The following CREBZF variants were observed in gnomAD, a reference collection of about 807,000 sequenced individuals.
CREBZF encodes CREB/ATF bZIP transcription factor.
A neutral mutation model predicts 21.1 loss-of-function variants in CREBZF; 8 were observed. The observed-to-expected ratio is 0.38, with a 90% confidence interval of 0.22 to 0.68. The LOEUF is 0.68. CREBZF is among the 30% of genes least tolerant of loss of function. CREBZF has a pLI of 0.51. For synonymous variants in CREBZF, 270 were observed against 223.3 expected, an observed-to-expected ratio of 1.21 and a Z score of -1.86; for missense variants, 518 against 484.3, an observed-to-expected ratio of 1.07 and a Z score of -0.65.
At chr11:85,673,221 T>C (rs1247667077) in intron 1 of CREBZF, among the ~76,000 whole-genome samples, 1 of 152,208 alleles carries the variant, frequency 6.6e-6, no homozygotes, top group African/African-American at 2.4e-5. Context: ...ATACATTTAC[T>C]GGATTTTCTA....
In CREBZF at chr11:85,661,786, A is replaced by G. The variant is rs555163100; in HGVS notation, c.*2025T>C. The G allele has an allele frequency of 4.6e-5, 7 of 152,634 alleles. No individual in the cohort carries two copies. The South Asian group carries it at 1.0e-3, about 23-fold the overall frequency. 9.5% of individuals were successfully genotyped at this position (152,634 alleles called of 1,614,324 possible). A position where few individuals can be genotyped will look rare whatever the true frequency, so the allele number is the denominator to read the frequency against. ...ACAAACCTGGTTTTATTATGACACCATATTTTTGTCATTGGTACTGCACAA... is the reference window on the plus strand; with the variant it reads ...ACAAACCTGGTTTTATTATGACACCGTATTTTTGTCATTGGTACTGCACAA... On this transcript the variant is annotated 3_prime_UTR_variant, in exon 1 of 1. Transcript: ENST00000527447.
In CREBZF at chr11:85,664,647, C is replaced by T. The variant is rs376377051; in HGVS notation, c.229G>A (p.Ala77Thr). 8.1e-6 allele frequency: 13 copies of T among 1,606,334 alleles called. No homozygotes were observed. Among genetic ancestry groups the T allele is most frequent in the Non-Finnish European group, 1.0e-5 (12 of 1,176,192 alleles). The change falls in exon 1 of 1, where the codon GCG becomes ACG. Residue 77 changes from alanine (A) to threonine (T), a missense_variant. Transcript: ENST00000527447. This position sits in a 1 kb window ranked among gnomAD's most constrained non-coding sequence, Gnocchi z 5.5. ...RGSRGGVAVR[A>T]PSPEEMEEEA... ...TCCTCCATCTCCTCGGGGGAGGGCGCGCGCACGGCCACGCCGCCGCGGCTC... is the reference window on the plus strand; with the variant it reads ...TCCTCCATCTCCTCGGGGGAGGGCGTGCGCACGGCCACGCCGCCGCGGCTC...
chr11:85,664,112 T>C lies in CREBZF; in HGVS notation c.764A>G (p.Lys255Arg). 4 of 1,613,634 alleles carry C rather than the reference T, an allele frequency of 2.5e-6. No homozygotes were observed. The highest frequency in any genetic ancestry group is 3.4e-6 in the Non-Finnish European group (4 of 1,180,034). Residue 255 changes from lysine to arginine, a missense_variant, in exon 1 of 1, where the codon AAA becomes AGA. Transcript: ENST00000527447. This position sits in a 1 kb window ranked among gnomAD's most constrained non-coding sequence, Gnocchi z 5.5. ...ELRAENRELG[K>R]RVQALQEESR... is the part of the protein sequence containing the mutation. ...CTCCTCCTGCAGTGCCTGTACGCGT[T>C]TGCCCAGCTCCCGATTCTCGGCCCG...
In CREBZF at chr11:85,659,088, A is replaced by G. The variant is rs2082599937; in HGVS notation, c.*4723T>C. ...GAATTCCCTTTTTGATCCGCAGCTTAGGTGGTAAGTAAATAAAAAAACAGC... is the reference window on the plus strand; with the variant it reads ...GAATTCCCTTTTTGATCCGCAGCTTGGGTGGTAAGTAAATAAAAAAACAGC... On this transcript the variant is annotated 3_prime_UTR_variant, in exon 1 of 1. Transcript: ENST00000527447. Among the ~76,000 whole-genome samples, 1 of 152,030 alleles carries G rather than the reference A, an allele frequency of 6.6e-6. No individual in the cohort carries two copies. The highest frequency in any genetic ancestry group is 2.1e-4 in the South Asian group (1 of 4,836).
Position 85,662,646 on chromosome 11 carries a change from C to A in CREBZF, c.*1165G>T, listed in dbSNP as rs1002286351. 2.8e-5 allele frequency: 12 copies of A among 435,382 alleles called. No individual in the cohort carries two copies. Among genetic ancestry groups the A allele is most frequent in the African/African-American group, 2.0e-4 (10 of 50,718 alleles). The allele number at this position is 435,382 out of a possible 1,614,324, so 27.0% of individuals were successfully genotyped here. On this transcript the variant is annotated 3_prime_UTR_variant, in exon 1 of 1. Coordinates refer to ENST00000527447, the MANE Select transcript of CREBZF (RefSeq NM_001039618.4). ...AGTACCAATCGTGTCATTTAAGTGGCCAGAACCACTCAATTTAAAAAATTA... is the reference window on the plus strand; with the variant it reads ...AGTACCAATCGTGTCATTTAAGTGGACAGAACCACTCAATTTAAAAAATTA...
chr11:85,682,611 CCA>C, intron 1 of CREBZF: 4 of 344,704 alleles, frequency 1.2e-5, no homozygotes, highest in South Asian at 5.4e-5. Context: ...CCTACTCCCC[CCA>C]ACGCGATCTT....
Position 85,661,650 on chromosome 11 carries a change from C to T in CREBZF, c.*2161G>A, listed in dbSNP as rs768030002. On this transcript the variant is annotated 3_prime_UTR_variant, in exon 1 of 1. Coordinates refer to ENST00000527447, the MANE Select transcript of CREBZF (RefSeq NM_001039618.4). ...AAATGAACTTACTGCTTTCCAGAAC[C>T]TTTTAAGACCCACAGTCAGCATTAA... is the stretch of plus-strand genomic sequence containing the variant. The T allele has an allele frequency of 5.2e-5, 8 of 152,474 alleles. No individual in the cohort carries two copies. Among genetic ancestry groups the T allele is most frequent in the Non-Finnish European group, 1.2e-4 (8 of 67,986 alleles). The allele number at this position is 152,474 out of a possible 1,614,324, so 9.4% of individuals were successfully genotyped here. A position where few individuals can be genotyped will look rare whatever the true frequency, so the allele number is the denominator to read the frequency against.
At chr11:85,670,826 C>T (rs1446296439) in intron 1 of CREBZF, among the ~76,000 whole-genome samples, 1 of 152,104 alleles carries the variant, frequency 6.6e-6, no homozygotes, top group African/African-American at 2.4e-5. Flanking sequence ...AATCCTAATC[C>T]CTAGTACCTT....
At chr11:85,674,201 T>C (rs1258670228) in intron 1 of CREBZF, among the ~76,000 whole-genome samples, 5 of 152,240 alleles carry the variant, frequency 3.3e-5, no homozygotes, top group African/African-American at 9.6e-5. Context: ...TTTGCCTTAA[T>C]GTATTTCTGA....
At chr11:85,669,339 A>G (rs999884227), upstream of CREBZF, among the ~76,000 whole-genome samples, 7 of 152,106 alleles carry the variant, frequency 4.6e-5, no homozygotes, top group Non-Finnish European at 5.9e-5. Flanking sequence ...ACGTATCTAC[A>G]TTATTCTGCA....
At chr11:85,681,181 A>G (rs909111331) in intron 1 of CREBZF, among the ~76,000 whole-genome samples, 1 of 152,140 alleles carries the variant, frequency 6.6e-6, no homozygotes, top group African/African-American at 2.4e-5. Context: ...CCAAGAGGTG[A>G]TATCTCAAGT....
Position 85,664,549 on chromosome 11 carries a change from A to G in CREBZF, c.327T>C (p.Asp109=). Residue 109 remains aspartate (D), a synonymous_variant, in exon 1 of 1, where the codon GAT becomes GAC. Transcript: ENST00000527447. The surrounding 1 kb of genome is among the most constrained non-coding windows in gnomAD (Gnocchi z 5.5). ...AGTCCGGTTGCCTGGGGTCCAGGAGATCCGCCAGTTCCAGCCCAGACAGAA... is the reference window on the plus strand; with the variant it reads ...AGTCCGGTTGCCTGGGGTCCAGGAGGTCCGCCAGTTCCAGCCCAGACAGAA... ...MDFLSGLELA[D]LLDPRQPDWH... 6.2e-7 allele frequency: 1 copy of G among 1,613,702 alleles called. No homozygotes were observed. Among genetic ancestry groups the G allele is most frequent in the Non-Finnish European group, 8.5e-7 (1 of 1,179,932 alleles).
chr11:85,661,214 A>G lies in CREBZF; in HGVS notation c.*2597T>C, dbSNP rs866937344. The G allele has an allele frequency of 2.6e-5, 4 of 152,518 alleles. No homozygotes were observed. Among genetic ancestry groups the G allele is most frequent in the African/African-American group, 9.7e-5 (4 of 41,448 alleles). 9.4% of individuals were successfully genotyped at this position (152,518 alleles called of 1,614,324 possible). Reference sequence around the variant, plus strand: ...ATGTGCTTACACATAAATATGACCAAATTTATTTAAAGCCCCTATTAGATA... The same window carrying G: ...ATGTGCTTACACATAAATATGACCAGATTTATTTAAAGCCCCTATTAGATA... On this transcript the variant is annotated 3_prime_UTR_variant, in exon 1 of 1. Coordinates refer to ENST00000527447, the MANE Select transcript of CREBZF (RefSeq NM_001039618.4).
At chr11:85,676,131 C>T (rs981695197) in intron 1 of CREBZF, among the ~76,000 whole-genome samples, 4 of 152,176 alleles carry the variant, frequency 2.6e-5, no homozygotes, top group Non-Finnish European at 5.9e-5. Context: ...AGTGTATGTC[C>T]TAACTAATCA....
chr11:85,668,674 T>C (rs1347594600), upstream of CREBZF, among the ~76,000 whole-genome samples: 2 of 152,104 alleles, frequency 1.3e-5, no homozygotes, highest in African/African-American at 2.4e-5. Flanking sequence ...CTTAACTATC[T>C]AGCTATTGAT....
chr11:85,681,675 A>C (rs1369266106), intron 1 of CREBZF, among the ~76,000 whole-genome samples: 1 of 152,242 alleles, frequency 6.6e-6, no homozygotes, highest in Non-Finnish European at 1.5e-5. Context: ...TTGATGTTGC[A>C]GAAAAATTCA....
chr11:85,682,709 A>T, intron 1 of CREBZF: 2 of 671,976 alleles, frequency 3.0e-6, no homozygotes, highest in Non-Finnish European at 5.4e-6. Flanking sequence ...GAATTCCGGG[A>T]TTCATACCCA....
chr11:85,667,292 C>T (rs2082879136), upstream of CREBZF, among the ~76,000 whole-genome samples: 1 of 150,918 alleles, frequency 6.6e-6, no homozygotes, highest in East Asian at 2.0e-4. Flanking sequence ...AGGCTGGTCT[C>T]GAACTCCTGG....
In CREBZF at chr11:85,663,660, T is replaced by G; in HGVS notation, c.*151A>C. 5 of 1,605,446 alleles carry G rather than the reference T, an allele frequency of 3.1e-6. No individual in the cohort carries two copies. Among genetic ancestry groups the G allele is most frequent in the Non-Finnish European group, 4.3e-6 (5 of 1,175,730 alleles). ...TTAGGAGTTGGTTACTGTGTCACAT[T>G]CATGCTTTTAGCTAAACACTTTAAG... On this transcript the variant is annotated 3_prime_UTR_variant, in exon 1 of 1. Coordinates refer to ENST00000527447, the MANE Select transcript of CREBZF (RefSeq NM_001039618.4).
Sources: gnomAD v4.1 joint callset for allele counts (sites outside exome capture counted in the v4.1 genomes callset) on GRCh38, gnomAD v4.1.1 for gene constraint, Gnocchi (gnomAD v3.1) non-coding constraint, MANE v1.5 for transcripts, NCBI Gene and HGNC (gene_info 2026-07-23, HGNC 2026-07-21) for gene names.